SUMF1: variants seen among roughly 807,000 people sequenced by gnomAD.
SUMF1 encodes the protein formylglycine-generating enzyme.
Under a neutral mutation model 47.6 loss-of-function variants are expected in SUMF1, and 48 were observed. That is an observed-to-expected ratio of 1.01 (90% CI 0.80 to 1.28). The LOEUF (loss-of-function observed/expected upper bound fraction) is 1.28, where lower values mean the gene tolerates loss of function less well. Ranked by LOEUF, SUMF1 falls within the 50% of genes most tolerant of loss-of-function variation. The pLI is 0.00. For missense variants in SUMF1, 571 were observed against 485.4 expected (o/e 1.18, Z -1.66); for synonymous variants, 230 against 192.1 (o/e 1.20, Z -1.63).
At chr3:4,321,470 T>TAAAAAAAAAAAAAAAAAAAAA (rs1206478992) in intron 8 of SUMF1, among the ~76,000 whole-genome samples, 1 of 63,734 alleles carries the variant, frequency 1.6e-5, no homozygotes. Context: ...AAGGAAATGC[T>TAAAAAAAAAAAAAAAAAAAAA]AAAAAAAAAA....
In SUMF1 at chr3:4,368,430, G is replaced by A. The variant is rs575344271; in HGVS notation, c.1015-6176C>T. 1.3e-4 allele frequency among the ~76,000 whole-genome samples: 20 copies of A among 152,242 alleles called. No homozygotes were observed. The South Asian group carries it at 3.5e-3, about 27-fold the overall frequency. ...CAACCATTGTGGAAGTCAGTGTGGC[G>A]ATTCCTCAGGGATCTAGAACTAGAA... On this transcript the variant is annotated intron_variant, in intron 8 of 8. Transcript: ENST00000272902.
chr3:4,303,840 A>G, intron 8 of SUMF1: 1 of 1,339,074 alleles, frequency 7.5e-7, no homozygotes, highest in Non-Finnish European at 9.9e-7. Context: ...GGAGTCATTT[A>G]CCTCCCTGGT....
intron 8 of SUMF1, among the ~76,000 whole-genome samples, chr3:4,136,566 G>A (rs1473215837): frequency 1.3e-5 from 2 of 151,930 alleles, no homozygotes; most frequent in East Asian, 3.9e-4. Flanking sequence ...CATGGGCAAG[G>A]ACTTCATGTC....
At chr3:4,456,704 A>C (rs2079622927) in intron 1 of SUMF1, among the ~76,000 whole-genome samples, 1 of 123,864 alleles carries the variant, frequency 8.1e-6, no homozygotes, top group Non-Finnish European at 1.7e-5. Context: ...ATATATATAT[A>C]CGTATATATA....
At chr3:4,096,274 G>T (rs1692902070) in intron 8 of SUMF1, among the ~76,000 whole-genome samples, 1 of 152,074 alleles carries the variant, frequency 6.6e-6, no homozygotes, top group Non-Finnish European at 1.5e-5. Flanking sequence ...ACGGAGTGAG[G>T]ACTGCAACAC....
At chr3:4,325,268 C>A (rs543380539) in intron 8 of SUMF1, among the ~76,000 whole-genome samples, 1 of 152,040 alleles carries the variant, frequency 6.6e-6, no homozygotes, top group African/African-American at 2.4e-5. Flanking sequence ...TAAATCATCA[C>A]TAGAATGATT....
chr3:4,336,794 A>G (rs1374342528), intron 8 of SUMF1, among the ~76,000 whole-genome samples: 1 of 152,266 alleles, frequency 6.6e-6, no homozygotes, highest in African/African-American at 2.4e-5. Flanking sequence ...CATAAAAACC[A>G]TAGTTTCATA....
At chr3:4,149,494 C>T (rs75552002) in intron 8 of SUMF1, among the ~76,000 whole-genome samples, 4,761 of 152,226 alleles carry the variant, frequency 0.031, 280 homozygotes, top group African/African-American at 0.11. Flanking sequence ...ACTGAGCCAA[C>T]ATAATGACAC....
At chr3:4,155,567 C>T (rs1215470594) in intron 8 of SUMF1, among the ~76,000 whole-genome samples, 1 of 151,364 alleles carries the variant, frequency 6.6e-6, no homozygotes, top group Non-Finnish European at 1.5e-5. Flanking sequence ...GTACAAACTT[C>T]CAAGATTTAG....
intron 8 of SUMF1, among the ~76,000 whole-genome samples, chr3:4,093,601 C>T (rs183856194): frequency 6.6e-6 from 1 of 152,042 alleles, no homozygotes; most frequent in East Asian, 1.9e-4. Context: ...TGCAAAGATA[C>T]AGATATTTAA....
intron 8 of SUMF1, among the ~76,000 whole-genome samples, chr3:4,195,070 C>T (rs1695399645): frequency 6.6e-6 from 1 of 152,102 alleles, no homozygotes; most frequent in Non-Finnish European, 1.5e-5. Flanking sequence ...ACTGTATCAT[C>T]AGCTTTTACT....
intron 8 of SUMF1, among the ~76,000 whole-genome samples, chr3:4,205,372 C>T (rs1695628586): frequency 6.6e-6 from 1 of 152,134 alleles, no homozygotes; most frequent in South Asian, 2.1e-4. Flanking sequence ...CCGCCTGCAC[C>T]CAGGTGAAAT....
intron 8 of SUMF1, among the ~76,000 whole-genome samples, chr3:4,345,507 C>A (rs959404420): frequency 2.0e-4 from 31 of 152,162 alleles, no homozygotes; most frequent in African/African-American, 6.8e-4. Context: ...TACCAACAGG[C>A]CTGCCCTGCA....
chr3:4,199,867 A>G (rs183583071), intron 8 of SUMF1, among the ~76,000 whole-genome samples: 53 of 152,286 alleles, frequency 3.5e-4, no homozygotes, highest in Non-Finnish European at 6.2e-4. Flanking sequence ...GTACCTGGAC[A>G]TAAGTCTTTT....
chr3:4,213,149 G>C (rs553473598), intron 8 of SUMF1, among the ~76,000 whole-genome samples: 5 of 152,092 alleles, frequency 3.3e-5, no homozygotes, highest in African/African-American at 1.2e-4. Context: ...AAAATGTTAA[G>C]GGCAGCCAGA....
At chr3:4,319,052 T>C (rs950374490) in intron 8 of SUMF1, among the ~76,000 whole-genome samples, 3 of 152,208 alleles carry the variant, frequency 2.0e-5, no homozygotes, top group Admixed American at 6.5e-5. Flanking sequence ...AATTTAAAAC[T>C]ATAAGTTATC....
At chr3:4,229,468 A>T in intron 8 of SUMF1, 1 of 233,396 alleles carries the variant, frequency 4.3e-6, no homozygotes, top group Non-Finnish European at 8.6e-6. Context: ...TTTGAGAAAA[A>T]CTATTGCACC....
chr3:4,312,913 G>GTA, intron 8 of SUMF1: 3 of 1,611,912 alleles, frequency 1.9e-6, no homozygotes, highest in Non-Finnish European at 2.5e-6. Flanking sequence ...TCCTGATCAT[G>GTA]TAGTTGGACC....
At chr3:4,466,826 A>G in intron 1 of SUMF1, 150 bp downstream of exon 1, 1 of 1,231,128 alleles carries the variant, frequency 8.1e-7, no homozygotes, top group Non-Finnish European at 1.1e-6. Flanking sequence ...GGCACGGAGA[A>G]GGAACTCCTC....
Sources: allele counts gnomAD v4.1 joint callset (sites outside exome capture counted in the v4.1 genomes callset), GRCh38; gene constraint gnomAD v4.1.1; transcripts MANE v1.5; gene names NCBI Gene and HGNC (gene_info 2026-07-23, HGNC 2026-07-21).